BCAR3: variants seen among roughly 807,000 people sequenced by gnomAD.
The protein encoded by BCAR3 is BCAR3 adaptor protein, NSP family member.
BCAR3 carries 37 observed loss-of-function variants against 80.1 expected under a neutral mutation model. The ratio of observed to expected loss-of-function variants is 0.46; its 90% CI spans 0.36 to 0.61. The LOEUF is 0.61. Among genes scored for constraint, BCAR3 ranks in the 20% least tolerant of loss-of-function variants. The probability of loss-of-function intolerance (pLI) is 0.00; values close to 1 mark genes in which losing one functional copy is unlikely to be tolerated. For synonymous variants in BCAR3, 389 were observed against 418.9 expected (o/e 0.93, Z 0.87); for missense variants, 978 against 1,068.2 (o/e 0.92, Z 1.18).
At chr1:93,686,035 T>A (rs901616448), upstream of BCAR3, among the ~76,000 whole-genome samples, 3 of 152,154 alleles carry the variant, frequency 2.0e-5, no homozygotes, top group Non-Finnish European at 4.4e-5. Context: ...GAGCTTCACA[T>A]ATTTTTCAAT....
intron 2 of BCAR3, among the ~76,000 whole-genome samples, chr1:93,706,539 C>T (rs566267377): frequency 4.5e-4 from 68 of 152,210 alleles, no homozygotes; most frequent in South Asian, 3.7e-3. Flanking sequence ...GGAGCCAGAT[C>T]GTCTGGGTTT....
At chr1:93,707,097 C>T (rs1193656817) in intron 2 of BCAR3, among the ~76,000 whole-genome samples, 2 of 151,924 alleles carry the variant, frequency 1.3e-5, no homozygotes, top group African/African-American at 4.8e-5. Flanking sequence ...ATTGCTTGAA[C>T]CTGGGAGGCA....
chr1:93,787,224 G>A (rs911123149), intron 2 of BCAR3, among the ~76,000 whole-genome samples: 2 of 152,232 alleles, frequency 1.3e-5, no homozygotes, highest in African/African-American at 4.8e-5. Context: ...ACTGGATATA[G>A]TGGGCTTGGC....
intron 1 of BCAR3, among the ~76,000 whole-genome samples, chr1:93,675,952 G>C (rs1288353664): frequency 9.7e-6 from 1 of 103,594 alleles, no homozygotes; most frequent in Non-Finnish European, 2.0e-5. Context: ...AAAAAAAAAG[G>C]CTGGCCCCTG....
intron 3 of BCAR3, among the ~76,000 whole-genome samples, chr1:93,619,994 C>T (rs1042332936): frequency 6.6e-6 from 1 of 152,216 alleles, no homozygotes; most frequent in African/African-American, 2.4e-5. Context: ...AGTGAGATAT[C>T]ACATGGAGGG....
intron 2 of BCAR3, among the ~76,000 whole-genome samples, chr1:93,669,097 CCTGGGTATAAATAAA>C (rs1321058584): frequency 6.6e-6 from 1 of 152,076 alleles, no homozygotes; most frequent in Non-Finnish European, 1.5e-5. Flanking sequence ...AGCAGACATG[CCTGGGTATAAATAAA>C]CTGCAGATGT....
At chr1:93,709,573 A>G (rs1027613165) in intron 2 of BCAR3, among the ~76,000 whole-genome samples, 3 of 152,206 alleles carry the variant, frequency 2.0e-5, no homozygotes, top group Admixed American at 2.0e-4. Flanking sequence ...AGGATGTCTT[A>G]CTGGCATTAG....
chr1:93,697,225 G>T (rs905321141), intron 3 of BCAR3, among the ~76,000 whole-genome samples: 2 of 152,244 alleles, frequency 1.3e-5, no homozygotes, highest in Admixed American at 6.5e-5. Context: ...AGTTTAAAAG[G>T]GGGAGAGATG....
intron 3 of BCAR3, among the ~76,000 whole-genome samples, chr1:93,623,697 C>T (rs1397843806): frequency 2.6e-5 from 4 of 152,176 alleles, no homozygotes; most frequent in African/African-American, 9.7e-5. Context: ...CCCTGCCCTT[C>T]CCAGAGGTAA....
Position 93,567,794 on chromosome 1 carries a change from T to C in BCAR3, c.2032A>G (p.Ile678Val), listed in dbSNP as rs771362553. 9 of 1,614,148 alleles carry C rather than the reference T, an allele frequency of 5.6e-6. No homozygotes were observed. The African/African-American group carries it at 1.2e-4, about 22-fold the overall frequency. The change falls in exon 10 of 12, where the codon ATT becomes GTT. Residue 678 changes from isoleucine (I) to valine (V), a missense_variant. By Grantham distance (29) the Ile-to-Val change is conservative. Transcript: ENST00000260502. ...GGCTTCAGCTGTTTCTCATAGAGAATGGCAGTTTGGGTGTACTGGTGCCGC... is the reference window on the plus strand; with the variant it reads ...GGCTTCAGCTGTTTCTCATAGAGAACGGCAGTTTGGGTGTACTGGTGCCGC... Reference protein sequence around the residue: ...ALRHQYTQTAILYEKQLKPFS... With the variant: ...ALRHQYTQTAVLYEKQLKPFS...
chr1:93,575,619 AC>A (rs1002323031), intron 8 of BCAR3, among the ~76,000 whole-genome samples: 1 of 151,964 alleles, frequency 6.6e-6, no homozygotes, highest in Non-Finnish European at 1.5e-5. Flanking sequence ...AGCAATCTTA[AC>A]CCCCAAAGAG....
At chr1:93,636,091 T>C (rs537623329) in intron 3 of BCAR3, among the ~76,000 whole-genome samples, 1 of 152,300 alleles carries the variant, frequency 6.6e-6, no homozygotes, top group South Asian at 2.1e-4. Flanking sequence ...CTGCAGGAAA[T>C]GGCCTTGCTG....
chr1:93,706,932 T>G (rs1362826673), intron 2 of BCAR3, among the ~76,000 whole-genome samples: 1 of 152,228 alleles, frequency 6.6e-6, no homozygotes, highest in Non-Finnish European at 1.5e-5. Context: ...ATCCCAGTAC[T>G]TTGGGATGCA....
intron 2 of BCAR3, among the ~76,000 whole-genome samples, chr1:93,773,786 G>C (rs535886825): frequency 6.6e-6 from 1 of 152,100 alleles, no homozygotes; most frequent in South Asian, 2.1e-4. Context: ...TTTTTCTTAT[G>C]TTTTCTTTAT....
At chr1:93,670,937 T>G (rs1557648181) in intron 2 of BCAR3, among the ~76,000 whole-genome samples, 1 of 152,154 alleles carries the variant, frequency 6.6e-6, no homozygotes, top group African/African-American at 2.4e-5. Context: ...TTCCTCTGCT[T>G]TGTCTTGGGC....
chr1:93,589,448 A>G lies in BCAR3; in HGVS notation c.487-29T>C. On this transcript the variant is annotated intron_variant, in intron 4 of 11. Coordinates refer to ENST00000260502, the MANE Select transcript of BCAR3 (RefSeq NM_003567.4). ...TGGGACAAAAAGGTGAGTGAGGAGT[A>G]GGAAAGGCAAATTCACATTCCTTCT... The G allele has an allele frequency of 2.5e-6, 4 of 1,571,862 alleles. No homozygotes were observed. In the South Asian group the frequency reaches 4.6e-5, roughly 18 times the overall value.
At chr1:93,812,300 C>T (rs1009545149) in intron 2 of BCAR3, among the ~76,000 whole-genome samples, 10 of 152,128 alleles carry the variant, frequency 6.6e-5, no homozygotes, top group African/African-American at 1.9e-4. Context: ...GGAAGCCCAC[C>T]GCTGGGACCT....
intron 7 of BCAR3, among the ~76,000 whole-genome samples, chr1:93,582,025 C>T (rs1044569381): frequency 5.3e-5 from 8 of 152,120 alleles, no homozygotes; most frequent in Non-Finnish European, 7.4e-5. Flanking sequence ...CCCCCACCCC[C>T]GGCAGCAGCC....
At chr1:93,751,225 C>A (rs1001750058) in intron 2 of BCAR3, among the ~76,000 whole-genome samples, 1 of 152,158 alleles carries the variant, frequency 6.6e-6, no homozygotes, top group African/African-American at 2.4e-5. Context: ...GCTGATACCT[C>A]GGCTTGGCTT....
Sources: gnomAD v4.1 joint callset for allele counts (sites outside exome capture counted in the v4.1 genomes callset) on GRCh38, gnomAD v4.1.1 for gene constraint, MANE v1.5 for transcripts, NCBI Gene and HGNC (gene_info 2026-07-23, HGNC 2026-07-21) for gene names.